C10orf67: variants seen among roughly 807,000 people sequenced by gnomAD.
The protein encoded by C10orf67 is uncharacterized protein C10orf67, mitochondrial.
C10orf67 carries 60 observed loss-of-function variants against 35.6 expected under a neutral mutation model. That is an observed-to-expected ratio of 1.68 (90% CI 1.37 to 2.09). The LOEUF (loss-of-function observed/expected upper bound fraction) is 2.09, where lower values mean the gene tolerates loss of function less well. C10orf67 is among the 30% of genes most tolerant of loss of function. C10orf67 has a pLI of 0.00. For missense variants in C10orf67, 474 were observed against 330.2 expected (o/e 1.44, Z -3.38); for synonymous variants, 167 against 115.8 (o/e 1.44, Z -2.84).
At chr10:23,213,583 T>C (rs1056941923) in intron 15 of C10orf67, among the ~76,000 whole-genome samples, 1 of 152,102 alleles carries the variant, frequency 6.6e-6, no homozygotes, top group Non-Finnish European at 1.5e-5. Flanking sequence ...AGGTAAAAAT[T>C]AAGGCAAACA....
At chr10:23,339,304 C>T (rs777063371) in intron 1 of C10orf67, among the ~76,000 whole-genome samples, 31 of 147,514 alleles carry the variant, frequency 2.1e-4, no homozygotes, top group Non-Finnish European at 1.5e-5. Context: ...TGGTGAACAA[C>T]GGAGTCAAGG....
intron 12 of C10orf67, among the ~76,000 whole-genome samples, chr10:23,246,006 A>C (rs1176729506): frequency 6.6e-6 from 1 of 152,236 alleles, no homozygotes; most frequent in African/African-American, 2.4e-5. Flanking sequence ...TATGCGATGG[A>C]ATACTGCACA....
At chr10:23,271,243 C>T (rs879020462) in intron 8 of C10orf67, among the ~76,000 whole-genome samples, 1 of 152,174 alleles carries the variant, frequency 6.6e-6, no homozygotes. Context: ...TGTATATGCA[C>T]CCAATACTGG....
chr10:23,204,752 A>G (rs1436189508), intron 15 of C10orf67, among the ~76,000 whole-genome samples: 2 of 152,134 alleles, frequency 1.3e-5, no homozygotes, highest in African/African-American at 4.8e-5. Flanking sequence ...TGGGCTCTGA[A>G]ACTGGGGAAT....
intron 13 of C10orf67, among the ~76,000 whole-genome samples, chr10:23,227,953 G>T (rs1314741946): frequency 6.6e-6 from 1 of 152,112 alleles, no homozygotes; most frequent in Non-Finnish European, 1.5e-5. Context: ...ACAAACAAAT[G>T]GAAGAACATT....
chr10:23,267,212 C>A lies in C10orf67; in HGVS notation c.1018G>T (p.Gly340Cys). 2.8e-6 allele frequency: 2 copies of A among 715,740 alleles called. No homozygotes were observed. The highest frequency in any genetic ancestry group is 2.0e-5 in the Admixed American group (1 of 49,772). 44.3% of individuals were successfully genotyped at this position (715,740 alleles called of 1,614,324 possible). Residue 340 changes from glycine (G) to cysteine (C), a missense_variant, in exon 9 of 16, where the codon GGC becomes TGC. Coordinates refer to ENST00000636213, the MANE Select transcript of C10orf67 (RefSeq NM_001371909.1). ...ATACAAACCTTTACACTTAAGCTGCCATACTTTTTTCTCATTTCCTTGTCC... is the reference window on the plus strand; with the variant it reads ...ATACAAACCTTTACACTTAAGCTGCAATACTTTTTTCTCATTTCCTTGTCC... ...KEDKEMRKKY[G>C]SLSVKVARSA...
chr10:23,281,351 C>T (rs886419653), intron 8 of C10orf67, among the ~76,000 whole-genome samples: 1 of 152,152 alleles, frequency 6.6e-6, no homozygotes, highest in South Asian at 2.1e-4. Flanking sequence ...CTTTTCTCTT[C>T]CAAACAGTAT....
chr10:23,245,357 T>G (rs1046537198), intron 12 of C10orf67, among the ~76,000 whole-genome samples: 5 of 152,090 alleles, frequency 3.3e-5, no homozygotes, highest in African/African-American at 1.2e-4. Flanking sequence ...CAAGAACGAA[T>G]AAGTAGGATT....
rs368740000 is a variant in C10orf67 at position 23,297,953 on chromosome 10, C to T, written c.702+5351G>A. 5.9e-5 allele frequency among the ~76,000 whole-genome samples: 9 copies of T among 152,282 alleles called. No individual in the cohort carries two copies. In the South Asian group the frequency reaches 1.2e-3, roughly 21 times the overall value. ...TAAGACTGCTACTGCCACCACTACC[C>T]GTAAACAATGAGGCCAACCCGGCCG... On this transcript the variant is annotated intron_variant, in intron 5 of 15. Transcript: ENST00000636213.
At chr10:23,341,721 C>T (rs917470170) in intron 1 of C10orf67, among the ~76,000 whole-genome samples, 36 of 152,188 alleles carry the variant, frequency 2.4e-4, no homozygotes, top group African/African-American at 8.7e-4. Flanking sequence ...CTCCTTGCTG[C>T]TCCTAGGACA....
intron 4 of C10orf67, chr10:23,317,100 C>G (rs576724486): frequency 1.3e-5 from 2 of 152,486 alleles, no homozygotes; most frequent in Non-Finnish European, 2.9e-5. Flanking sequence ...ACCTGCAGGC[C>G]TGTGCTGTGC....
chr10:23,204,343 C>T (rs1263779989), intron 15 of C10orf67, 88 bp from the exon 16 acceptor site: 4 of 433,662 alleles, frequency 9.2e-6, no homozygotes, highest in African/African-American at 2.0e-5. Flanking sequence ...AAGCATTTTG[C>T]GTCATTTTTT....
intron 2 of C10orf67, among the ~76,000 whole-genome samples, chr10:23,328,826 A>G (rs1298950799): frequency 2.0e-5 from 3 of 151,590 alleles, no homozygotes; most frequent in Admixed American, 6.6e-5. Context: ...TCTACAAAAA[A>G]TTGTAAAAAT....
intron 4 of C10orf67, among the ~76,000 whole-genome samples, chr10:23,313,737 A>G (rs1171271649): frequency 6.6e-6 from 1 of 152,176 alleles, no homozygotes; most frequent in African/African-American, 2.4e-5. Flanking sequence ...GGGAGGGTAA[A>G]GTTTTAGCTA....
intron 1 of C10orf67, among the ~76,000 whole-genome samples, chr10:23,337,657 A>C (rs572404000): frequency 5.1e-4 from 78 of 152,364 alleles, no homozygotes; most frequent in Non-Finnish European, 7.3e-4. Flanking sequence ...AGAATGGTAA[A>C]TTTAAAATAG....
intron 4 of C10orf67, among the ~76,000 whole-genome samples, chr10:23,310,575 C>T (rs1014428241): frequency 2.6e-5 from 4 of 152,172 alleles, no homozygotes; most frequent in Non-Finnish European, 5.9e-5. Flanking sequence ...AGGACCTGCC[C>T]TTCTGCTGGC....
chr10:23,277,317 C>T (rs1053110759), intron 8 of C10orf67, among the ~76,000 whole-genome samples: 3 of 152,070 alleles, frequency 2.0e-5, no homozygotes, highest in Non-Finnish European at 4.4e-5. Context: ...CTTTGGGAGG[C>T]TGAGATGGGT....
chr10:23,223,520 A>T, intron 15 of C10orf67, 78 bp downstream of exon 15: 1 of 707,954 alleles, frequency 1.4e-6, no homozygotes, highest in Non-Finnish European at 2.6e-6. Context: ...ACCTCAGGGT[A>T]AAAAAGAAAA....
chr10:23,276,316 G>T (rs57592057), intron 8 of C10orf67, among the ~76,000 whole-genome samples: 4 of 152,116 alleles, frequency 2.6e-5, no homozygotes, highest in Admixed American at 6.5e-5. Context: ...AATGGCTCAG[G>T]GGGGGATAAA....
Sources: allele counts gnomAD v4.1 joint callset (sites outside exome capture counted in the v4.1 genomes callset), GRCh38; gene constraint gnomAD v4.1.1; transcripts MANE v1.5; gene names NCBI Gene and HGNC (gene_info 2026-07-23, HGNC 2026-07-21).